AUTS2: variants seen among roughly 807,000 people sequenced by gnomAD.
AUTS2 encodes activator of transcription and developmental regulator AUTS2.
A neutral mutation model predicts 112.4 loss-of-function variants in AUTS2; 17 were observed. The ratio of observed to expected loss-of-function variants is 0.15; its 90% CI spans 0.10 to 0.23. The LOEUF (loss-of-function observed/expected upper bound fraction) is 0.23, where lower values mean the gene tolerates loss of function less well. AUTS2 is among the 10% of genes least tolerant of loss of function. AUTS2 has a pLI of 1.00. For synonymous variants in AUTS2, 751 were observed against 702.7 expected, an observed-to-expected ratio of 1.07 and a Z score of -1.09; for missense variants, 1,510 against 1,701.6, an observed-to-expected ratio of 0.89 and a Z score of 1.98.
At chr7:69,917,128 C>T (rs1045915370) in intron 2 of AUTS2, among the ~76,000 whole-genome samples, 1 of 152,086 alleles carries the variant, frequency 6.6e-6, no homozygotes, top group African/African-American at 2.4e-5. Flanking sequence ...GTCCTTCTGC[C>T]TCAGCCTCCC....
At chr7:69,910,722 G>T (rs904054845) in intron 2 of AUTS2, among the ~76,000 whole-genome samples, 5 of 152,156 alleles carry the variant, frequency 3.3e-5, no homozygotes, top group Admixed American at 2.0e-4. Context: ...TCTGCCTCCT[G>T]GTTTAAGCGA....
At position 70,462,604 on chromosome 7, in the gene AUTS2, A is replaced by G. The variant is rs560417140; in HGVS notation, c.690+26823A>G. ...CATCCTATAGTTGTGATCATGTACAACCATGACGTGATCATTAATCTAGAT... is the reference window on the plus strand; with the variant it reads ...CATCCTATAGTTGTGATCATGTACAGCCATGACGTGATCATTAATCTAGAT... On this transcript the variant is annotated intron_variant, in intron 5 of 18. Transcript: ENST00000342771. 5.9e-5 allele frequency among the ~76,000 whole-genome samples: 9 copies of G among 152,268 alleles called. No individual in the cohort carries two copies. The East Asian group carries it at 1.5e-3, about 26-fold the overall frequency.
intron 1 of AUTS2, among the ~76,000 whole-genome samples, chr7:69,824,131 C>T (rs1205637511): frequency 5.3e-5 from 8 of 152,126 alleles, no homozygotes; most frequent in Middle Eastern, 3.4e-3. Flanking sequence ...AAGTGTGATA[C>T]GGCTGGGCAC....
chr7:70,145,097 A>G (rs1033119025), intron 4 of AUTS2, among the ~76,000 whole-genome samples: 5 of 152,040 alleles, frequency 3.3e-5, no homozygotes, highest in Non-Finnish European at 7.4e-5. Context: ...GATTTTACTC[A>G]TTGCTCTTCT....
At position 70,790,818 on chromosome 7, in the gene AUTS2, C is replaced by T; in HGVS notation, c.3602C>T (p.Ala1201Val). ...CACTATCCCCGCATCAGCCCCACCG[C>T]GGGCAACCAGAACGGACTCCTCAAC... is the stretch of plus-strand genomic sequence containing the variant. ...SMHYPRISPTAGNQNGLLNKT... is the reference protein window; with the variant it reads ...SMHYPRISPTVGNQNGLLNKT... Residue 1201 changes from alanine to valine, a missense_variant, in exon 19 of 19, where the codon GCG becomes GTG. Coordinates refer to ENST00000342771, the MANE Select transcript of AUTS2 (RefSeq NM_015570.4). This position sits in a 1 kb window ranked among gnomAD's most constrained non-coding sequence, Gnocchi z 7.6. 2 of 1,606,184 alleles carry T rather than the reference C, an allele frequency of 1.2e-6. No homozygotes were observed. Among genetic ancestry groups the T allele is most frequent in the Non-Finnish European group, 1.7e-6 (2 of 1,175,130 alleles).
intron 1 of AUTS2, among the ~76,000 whole-genome samples, chr7:69,661,600 T>C (rs893902247): frequency 6.6e-6 from 1 of 152,220 alleles, no homozygotes; most frequent in Admixed American, 6.5e-5. Context: ...TTTTCTGATC[T>C]CTAAGGTCTG....
At chr7:70,657,773 G>T (rs976476773) in intron 5 of AUTS2, among the ~76,000 whole-genome samples, 3 of 152,088 alleles carry the variant, frequency 2.0e-5, no homozygotes, top group African/African-American at 7.2e-5. Flanking sequence ...AAGCTTAGTT[G>T]GTATTCAAGT....
intron 2 of AUTS2, among the ~76,000 whole-genome samples, chr7:69,951,806 A>G (rs967803313): frequency 1.1e-4 from 17 of 152,148 alleles, no homozygotes; most frequent in African/African-American, 4.8e-5. Context: ...AACTATTGAT[A>G]TAAGAAAAAA....
At chr7:70,715,877 T>C (rs1315521375) in intron 6 of AUTS2, among the ~76,000 whole-genome samples, 1 of 152,174 alleles carries the variant, frequency 6.6e-6, no homozygotes, top group African/African-American at 2.4e-5. Flanking sequence ...CTTCCCCTTT[T>C]CTCTGAATTC....
At chr7:69,982,320 A>G (rs555698034) in intron 2 of AUTS2, among the ~76,000 whole-genome samples, 2 of 152,308 alleles carry the variant, frequency 1.3e-5, no homozygotes, top group South Asian at 4.1e-4. Context: ...CAGGGGACTG[A>G]AGCAGTGTTT....
intron 5 of AUTS2, among the ~76,000 whole-genome samples, chr7:70,602,033 C>A (rs1050692251): frequency 2.0e-5 from 3 of 152,146 alleles, no homozygotes; most frequent in Non-Finnish European, 4.4e-5. Context: ...TCCATCCCAA[C>A]CCCCCAGGGC....
chr7:70,129,565 T>C (rs1806161615), intron 3 of AUTS2, among the ~76,000 whole-genome samples: 1 of 152,192 alleles, frequency 6.6e-6, no homozygotes, highest in African/African-American at 2.4e-5. Context: ...CAGGGGGACA[T>C]TGCTCAATCC....
At chr7:69,600,115 G>T (rs1206905046) in intron 1 of AUTS2, among the ~76,000 whole-genome samples, 153 bp downstream of exon 1, 1 of 151,984 alleles carries the variant, frequency 6.6e-6, no homozygotes, top group Non-Finnish European at 1.5e-5. Flanking sequence ...TTGGTGGGGG[G>T]AGCTGGGGGC....
intron 1 of AUTS2, among the ~76,000 whole-genome samples, chr7:69,686,717 C>CT (rs1295166768): frequency 2.0e-5 from 3 of 152,092 alleles, no homozygotes; most frequent in Non-Finnish European, 4.4e-5. Flanking sequence ...GCATGACTAC[C>CT]TTTTTTTCTA....
intron 5 of AUTS2, among the ~76,000 whole-genome samples, chr7:70,536,399 A>G (rs1313386349): frequency 2.0e-5 from 3 of 152,068 alleles, no homozygotes; most frequent in Non-Finnish European, 4.4e-5. Context: ...CCTTCTTAAC[A>G]TATGGGAGCC....
At chr7:70,664,239 A>G (rs974392593) in intron 5 of AUTS2, among the ~76,000 whole-genome samples, 12 of 152,210 alleles carry the variant, frequency 7.9e-5, no homozygotes, top group African/African-American at 2.9e-4. Context: ...GGTACCTGTA[A>G]AGCTCACACA....
At chr7:70,514,876 T>G (rs1799352251) in intron 5 of AUTS2, among the ~76,000 whole-genome samples, 1 of 152,238 alleles carries the variant, frequency 6.6e-6, no homozygotes, top group South Asian at 2.1e-4. Flanking sequence ...ATTCCGATCA[T>G]TTGGATTTTC....
intron 5 of AUTS2, among the ~76,000 whole-genome samples, chr7:70,626,541 G>A (rs1216304860): frequency 6.6e-6 from 1 of 151,620 alleles, no homozygotes; most frequent in Non-Finnish European, 1.5e-5. Flanking sequence ...TTAGATTTAG[G>A]GGCTACATGT....
chr7:70,098,053 G>A (rs1255168560), intron 2 of AUTS2, among the ~76,000 whole-genome samples: 1 of 152,140 alleles, frequency 6.6e-6, no homozygotes. Flanking sequence ...GTGAGCTAAA[G>A]GTAAGCTCCC....
Sources: gnomAD v4.1 joint callset for allele counts (sites outside exome capture counted in the v4.1 genomes callset) on GRCh38, gnomAD v4.1.1 for gene constraint, Gnocchi (gnomAD v3.1) non-coding constraint, MANE v1.5 for transcripts, NCBI Gene and HGNC (gene_info 2026-07-23, HGNC 2026-07-21) for gene names.